The following ORAI2 variants were observed in gnomAD, a reference collection of about 807,000 sequenced individuals.
ORAI2 encodes protein orai-2.
ORAI2 carries 10 observed loss-of-function variants against 16.2 expected under a neutral mutation model. The ratio of observed to expected loss-of-function variants is 0.62; its 90% CI spans 0.38 to 1.04. The LOEUF is 1.04. Ranked by LOEUF, ORAI2 falls within the 50% of genes least tolerant of loss-of-function variation. The pLI is 0.01. For missense variants in ORAI2, 238 were observed against 355.5 expected, an observed-to-expected ratio of 0.67 and a Z score of 2.66; for synonymous variants, 150 against 157.5, an observed-to-expected ratio of 0.95 and a Z score of 0.35.
rs985319483 is a variant in ORAI2, at chr7:102,448,464, T to G, written c.*1412T>G. 3 of 152,158 alleles carry G rather than the reference T, an allele frequency of 2.0e-5. No homozygotes were observed. The highest frequency in any genetic ancestry group is 2.9e-5 in the Non-Finnish European group (2 of 68,060). 9.4% of individuals were successfully genotyped at this position (152,158 alleles called of 1,614,324 possible). A position where few individuals can be genotyped will look rare whatever the true frequency, so the allele number is the denominator to read the frequency against. On this transcript the variant is annotated 3_prime_UTR_variant, in exon 4 of 4. Transcript: ENST00000495936. ...GACTCACGCCTGTAATCCCAGCACTTTGGGAGGCCTAGGTGGGCGGATCAC... is the reference window on the plus strand; with the variant it reads ...GACTCACGCCTGTAATCCCAGCACTGTGGGAGGCCTAGGTGGGCGGATCAC...
rs1404636063 is a variant in ORAI2, at chr7:102,454,455, A to C, written c.*7403A>C. On this transcript the variant is annotated 3_prime_UTR_variant, in exon 4 of 4. Coordinates refer to ENST00000495936, the MANE Select transcript of ORAI2 (RefSeq NM_001126340.3). ...CCATGGGTACTGTGGGATGGGGGAC[A>C]GGCTGGCTTAACACAAATCGAGGCA... is the stretch of plus-strand genomic sequence containing the variant. 1 of 153,790 alleles carries C rather than the reference A, an allele frequency of 6.5e-6. No homozygotes were observed. Among genetic ancestry groups the C allele is most frequent in the East Asian group, 1.9e-4 (1 of 5,192 alleles). The allele number at this position is 153,790 out of a possible 1,614,324, so 9.5% of individuals were successfully genotyped here.
At chr7:102,438,856 G>A in intron 2 of ORAI2, 88 bp from the exon 3 acceptor site, 1 of 1,261,690 alleles carries the variant, frequency 7.9e-7, no homozygotes, top group Non-Finnish European at 1.1e-6. Context: ...GTATATGGCA[G>A]CCTCTGTAGG....
intron 3 of ORAI2, among the ~76,000 whole-genome samples, chr7:102,441,553 GAAAA>G (rs1190394955): frequency 7.7e-6 from 1 of 129,320 alleles, no homozygotes; most frequent in Non-Finnish European, 1.7e-5. Context: ...AAAAAAAAAA[GAAAA>G]AAAAAAAACC....
intron 3 of ORAI2, among the ~76,000 whole-genome samples, chr7:102,445,839 TTTC>T (rs1195746326): frequency 6.6e-6 from 1 of 152,042 alleles, no homozygotes. Flanking sequence ...CCCTTTTCTC[TTTC>T]TTTTCTTTCT....
Position 102,447,319 on chromosome 7 carries a change from T to G in ORAI2, c.*267T>G, listed in dbSNP as rs1563639720. ...TGGGTCGGGGACACGGTGAAGAGGC[T>G]CCAGCGGGACCTGCCCATCAGTCCT... On this transcript the variant is annotated 3_prime_UTR_variant, in exon 4 of 4. Transcript: ENST00000495936. 6.3e-6 allele frequency: 3 copies of G among 479,220 alleles called. No homozygotes were observed. Among genetic ancestry groups the G allele is most frequent in the Non-Finnish European group, 1.1e-5 (3 of 269,830 alleles). 29.7% of individuals were successfully genotyped at this position (479,220 alleles called of 1,614,324 possible).
At position 102,452,162 on chromosome 7, in the gene ORAI2, G is replaced by T. The variant is rs151226546; in HGVS notation, c.*5110G>T. ...TTTTTTTTTTTTTTGAGACAGAGTCGCTCTGTCACCCAAGCTGGAATGCGG... is the reference window on the plus strand; with the variant it reads ...TTTTTTTTTTTTTTGAGACAGAGTCTCTCTGTCACCCAAGCTGGAATGCGG... On this transcript the variant is annotated 3_prime_UTR_variant, in exon 4 of 4. Transcript: ENST00000495936. The T allele has an allele frequency of 1.5e-4, 22 of 150,896 alleles. No homozygotes were observed. Among genetic ancestry groups the T allele is most frequent in the African/African-American group, 4.9e-4 (20 of 40,992 alleles). The allele number at this position is 150,896 out of a possible 1,614,324, so 9.3% of individuals were successfully genotyped here. A position where few individuals can be genotyped will look rare whatever the true frequency, so the allele number is the denominator to read the frequency against.
At chr7:102,445,770 T>C (rs1797336434) in intron 3 of ORAI2, among the ~76,000 whole-genome samples, 1 of 151,616 alleles carries the variant, frequency 6.6e-6, no homozygotes, top group Non-Finnish European at 1.5e-5. Context: ...CATGAACCAT[T>C]GTACCCAGCC....
At chr7:102,434,226 A>C (rs1797002342) in intron 1 of ORAI2, among the ~76,000 whole-genome samples, 1 of 136,790 alleles carries the variant, frequency 7.3e-6, no homozygotes, top group Non-Finnish European at 1.6e-5. Flanking sequence ...ATCCTGCCCC[A>C]CCCCACCCCC....
At chr7:102,434,155 C>G (rs1360116470) in intron 1 of ORAI2, among the ~76,000 whole-genome samples, 1 of 137,676 alleles carries the variant, frequency 7.3e-6, no homozygotes, top group Non-Finnish European at 1.6e-5. Flanking sequence ...AGCAACCCCA[C>G]AAGGTTCAGT....
At position 102,453,681 on chromosome 7, in the gene ORAI2, C is replaced by G. The variant is rs1797581075; in HGVS notation, c.*6629C>G. 6.6e-6 allele frequency: 1 copy of G among 152,214 alleles called. No homozygotes were observed. The highest frequency in any genetic ancestry group is 2.4e-5 in the African/African-American group (1 of 41,462). The allele number at this position is 152,214 out of a possible 1,614,324, so 9.4% of individuals were successfully genotyped here. Reference sequence around the variant, plus strand: ...CCCCACCCCTGTCAAGGGCAGGACACAAGTCACTGGCATTGAAGGACCCAC... The same window carrying G: ...CCCCACCCCTGTCAAGGGCAGGACAGAAGTCACTGGCATTGAAGGACCCAC... On this transcript the variant is annotated 3_prime_UTR_variant, in exon 4 of 4. Transcript: ENST00000495936.
At chr7:102,446,415 G>T in intron 3 of ORAI2, 98 bp from the exon 4 acceptor site, 2 of 1,321,442 alleles carry the variant, frequency 1.5e-6, no homozygotes, top group Non-Finnish European at 1.0e-6. Flanking sequence ...CCTGTCCCCC[G>T]AACCTGGCCC....
Position 102,451,094 on chromosome 7 carries a change from G to A in ORAI2, c.*4042G>A, listed in dbSNP as rs112265837. The A allele has an allele frequency of 0.047, 7,194 of 152,116 alleles. 242 individuals are homozygous for A. Among genetic ancestry groups the A allele is most frequent in the Non-Finnish European group, 0.07 (4,789 of 68,094 alleles). 9.4% of individuals were successfully genotyped at this position (152,116 alleles called of 1,614,324 possible). ...CACACGCCTGTAATCCCAGCTGCTC[G>A]GGAGGCAGAGGCAGGAGAATGGCGT... is the stretch of plus-strand genomic sequence containing the variant. On this transcript the variant is annotated 3_prime_UTR_variant, in exon 4 of 4. Transcript: ENST00000495936.
intron 3 of ORAI2, among the ~76,000 whole-genome samples, chr7:102,445,000 C>T (rs1193180167): frequency 1.3e-5 from 2 of 152,132 alleles, no homozygotes; most frequent in East Asian, 3.9e-4. Context: ...GCAGAGCCTG[C>T]CGTTCCTTGG....
intron 3 of ORAI2, among the ~76,000 whole-genome samples, chr7:102,444,211 C>T (rs548138661): frequency 8.0e-4 from 121 of 152,116 alleles, no homozygotes; most frequent in Non-Finnish European, 1.6e-3. Context: ...CCTCTAACTC[C>T]GGGGCCCAGC....
In ORAI2 at chr7:102,449,681, T is replaced by C. The variant is rs1308476113; in HGVS notation, c.*2629T>C. 1 of 152,162 alleles carries C rather than the reference T, an allele frequency of 6.6e-6. No individual in the cohort carries two copies. Among genetic ancestry groups the C allele is most frequent in the Admixed American group, 6.6e-5 (1 of 15,246 alleles). 9.4% of individuals were successfully genotyped at this position (152,162 alleles called of 1,614,324 possible). ...GAGATCGTGCCACTGCACTCCAGCC[T>C]GGACAACAGAGCAAAACTCTGTCTC... On this transcript the variant is annotated 3_prime_UTR_variant, in exon 4 of 4. Transcript: ENST00000495936.
chr7:102,445,528 C>T (rs543207102), intron 3 of ORAI2, among the ~76,000 whole-genome samples: 55 of 152,254 alleles, frequency 3.6e-4, no homozygotes, highest in Admixed American at 7.2e-4. Context: ...TAGCTCACTG[C>T]AGCCTGTTAT....
intron 1 of ORAI2, among the ~76,000 whole-genome samples, chr7:102,434,341 C>T (rs964636832): frequency 6.6e-6 from 1 of 152,166 alleles, no homozygotes; most frequent in Non-Finnish European, 1.5e-5. Flanking sequence ...TTTGAACCCC[C>T]TCCTGGGCTG....
chr7:102,442,173 T>G (rs1027450435), intron 3 of ORAI2, among the ~76,000 whole-genome samples: 10 of 151,512 alleles, frequency 6.6e-5, no homozygotes, highest in African/African-American at 2.4e-4. Flanking sequence ...CCCAGCACTT[T>G]GGGAGGCTGA....
intron 3 of ORAI2, among the ~76,000 whole-genome samples, chr7:102,444,029 A>G (rs1325060373): frequency 6.6e-6 from 1 of 152,026 alleles, no homozygotes; most frequent in East Asian, 1.9e-4. Context: ...TTCCCTCACC[A>G]CTGAAAGCGA....
Sources: allele counts gnomAD v4.1 joint callset (sites outside exome capture counted in the v4.1 genomes callset), GRCh38; gene constraint gnomAD v4.1.1; transcripts MANE v1.5; gene names NCBI Gene and HGNC (gene_info 2026-07-23, HGNC 2026-07-21).